CLNK: variants seen among roughly 807,000 people sequenced by gnomAD.
CLNK encodes cytokine-dependent hematopoietic cell linker.
Under a neutral mutation model 68.6 loss-of-function variants are expected in CLNK, and 74 were observed. That is an observed-to-expected ratio of 1.08 (90% confidence interval 0.89 to 1.31). The LOEUF is 1.31. CLNK is among the 50% of genes most tolerant of loss of function. CLNK has a pLI of 0.00. For synonymous variants in CLNK, 198 were observed against 172.2 expected, an observed-to-expected ratio of 1.15 and a Z score of -1.17; for missense variants, 553 against 515.3, an observed-to-expected ratio of 1.07 and a Z score of -0.71.
chr4:10,734,536 A>G, the CLNK span, among the ~76,000 whole-genome samples: 1 of 152,250 alleles, frequency 6.6e-6, no homozygotes, highest in Non-Finnish European at 1.5e-5. Flanking sequence ...ACCATTGAAG[A>G]CACAGCAATT....
At chr4:10,699,512 A>ATATAT in the CLNK span, among the ~76,000 whole-genome samples, 7 of 32,758 alleles carry the variant, frequency 2.1e-4, no homozygotes, top group South Asian at 1.3e-3. Flanking sequence ...ATATATATAT[A>ATATAT]TTTTTTTTTT....
intron 11 of CLNK, among the ~76,000 whole-genome samples, chr4:10,538,572 A>G (rs970793812): frequency 1.3e-5 from 2 of 152,170 alleles, no homozygotes; most frequent in Non-Finnish European, 2.9e-5. Context: ...CATGGGTTGG[A>G]TGGTCTGTTA....
At chr4:10,706,125 A>G in the CLNK span, among the ~76,000 whole-genome samples, 1 of 152,292 alleles carries the variant, frequency 6.6e-6, no homozygotes, top group East Asian at 1.9e-4. Context: ...TTACAAAGAG[A>G]TGCTAAACAT....
At chr4:10,575,532 C>T (rs1301900392) in intron 4 of CLNK, among the ~76,000 whole-genome samples, 1 of 152,396 alleles carries the variant, frequency 6.6e-6, no homozygotes, top group East Asian at 1.9e-4. Context: ...GAATGCTGCA[C>T]ACACGTGCAC....
intron 5 of CLNK, among the ~76,000 whole-genome samples, chr4:10,570,650 A>C (rs540136958): frequency 6.6e-6 from 1 of 152,296 alleles, no homozygotes; most frequent in African/African-American, 2.4e-5. Flanking sequence ...CTCAAACAGT[A>C]AAGAGTCAAT....
At chr4:10,510,406 T>C (rs1717528437) in intron 16 of CLNK, among the ~76,000 whole-genome samples, 1 of 152,256 alleles carries the variant, frequency 6.6e-6, no homozygotes, top group Non-Finnish European at 1.5e-5. Context: ...GGGATCCTGC[T>C]ACAATTTAAT....
At chr4:10,728,579 C>CCTTT in the CLNK span, among the ~76,000 whole-genome samples, 35 of 104,168 alleles carry the variant, frequency 3.4e-4, no homozygotes, top group African/African-American at 7.3e-4. Flanking sequence ...TGTGATGTAT[C>CCTTT]CTTTCTTTCT....
intron 12 of CLNK, among the ~76,000 whole-genome samples, chr4:10,530,439 TG>T (rs972373451): frequency 1.3e-5 from 2 of 152,188 alleles, no homozygotes; most frequent in African/African-American, 4.8e-5. Flanking sequence ...TATGAAGAAA[TG>T]GTCTTGAATC....
chr4:10,641,559 G>A (rs529848513), intron 2 of CLNK, among the ~76,000 whole-genome samples: 72 of 152,318 alleles, frequency 4.7e-4, no homozygotes, highest in African/African-American at 1.7e-3. Context: ...TTGGGACTAA[G>A]AGATGTATTC....
At position 10,537,615 on chromosome 4, in the gene CLNK, C is replaced by CCCTT. The variant is rs879924195; in HGVS notation, c.602+2878_602+2879insAAGG. Among the ~76,000 whole-genome samples the CCCTT allele has an allele frequency of 5.3e-3, 776 of 147,350 alleles. 8 individuals carry two copies. The highest frequency in any genetic ancestry group is 0.031 in the Middle Eastern group (9 of 290). ...TCCCTCCCTGTCTTTCTCCCTTTCTCTCTCTCTTTCTTTCTTTCTTTCTCT... is the reference window on the plus strand; with the variant it reads ...TCCCTCCCTGTCTTTCTCCCTTTCTCCCTTTCTCTCTTTCTTTCTTTCTTTCTCT... On this transcript the variant is annotated intron_variant, in intron 11 of 18. Transcript: ENST00000226951.
chr4:10,494,795 C>T (rs1196288645), intron 18 of CLNK, among the ~76,000 whole-genome samples: 1 of 152,062 alleles, frequency 6.6e-6, no homozygotes. Context: ...ATGATGGGGT[C>T]AAAATTGAAA....
chr4:10,528,980 T>G (rs780309435), intron 12 of CLNK, among the ~76,000 whole-genome samples: 1 of 152,218 alleles, frequency 6.6e-6, no homozygotes, highest in Non-Finnish European at 1.5e-5. Flanking sequence ...TTATTGGGCT[T>G]GTATCTTTGG....
At chr4:10,511,008 C>T (rs1233622187) in intron 16 of CLNK, among the ~76,000 whole-genome samples, 3 of 152,126 alleles carry the variant, frequency 2.0e-5, no homozygotes, top group Admixed American at 6.5e-5. Context: ...CAAAATTAGC[C>T]GTGAGTGGTG....
At chr4:10,544,905 T>G (rs73810309) in intron 8 of CLNK, among the ~76,000 whole-genome samples, 9,051 of 152,024 alleles carry the variant, frequency 0.06, 545 homozygotes, top group African/African-American at 0.14. Flanking sequence ...CCCTCTTCCT[T>G]TCCTCATAAA....
chr4:10,506,914 C>G (rs978154234), intron 17 of CLNK, among the ~76,000 whole-genome samples: 3 of 151,852 alleles, frequency 2.0e-5, no homozygotes, highest in Non-Finnish European at 2.9e-5. Flanking sequence ...ATTCTCCTGC[C>G]TCAGCCTCCC....
chr4:10,651,490 T>C lies in CLNK; in HGVS notation c.11+16369A>G, dbSNP rs139442626. On this transcript the variant is annotated intron_variant, in intron 2 of 18. Coordinates refer to ENST00000226951, the MANE Select transcript of CLNK (RefSeq NM_052964.4). ...GTATGTTCTCACTCATAAGTGGGAA[T>C]TGAACAATGGGAACACATGGACACA... is the stretch of plus-strand genomic sequence containing the variant. 1.1e-3 allele frequency among the ~76,000 whole-genome samples: 175 copies of C among 152,282 alleles called. 4 individuals are homozygous for C. The highest frequency in any genetic ancestry group is 6.8e-3 in the Admixed American group (104 of 15,292).
the CLNK span, among the ~76,000 whole-genome samples, chr4:10,710,829 A>AT: frequency 3.0e-4 from 45 of 152,224 alleles, no homozygotes; most frequent in African/African-American, 9.4e-4. Context: ...TCTGCCTGCA[A>AT]TTTTTTGTAC....
intron 4 of CLNK, among the ~76,000 whole-genome samples, chr4:10,579,037 G>A (rs1210889816): frequency 5.9e-5 from 9 of 152,216 alleles, no homozygotes; most frequent in Non-Finnish European, 1.3e-4. Context: ...AAGAGAACCA[G>A]GGATCAAACT....
At chr4:10,522,319 A>T (rs1336714941) in intron 14 of CLNK, among the ~76,000 whole-genome samples, 1 of 151,382 alleles carries the variant, frequency 6.6e-6, no homozygotes, top group Non-Finnish European at 1.5e-5. Context: ...TACACCTGTA[A>T]TCCCAACACT....
Sources: gnomAD v4.1 joint callset for allele counts (sites outside exome capture counted in the v4.1 genomes callset) on GRCh38, gnomAD v4.1.1 for gene constraint, MANE v1.5 for transcripts, NCBI Gene and HGNC (gene_info 2026-07-23, HGNC 2026-07-21) for gene names.